Variants in RB1CC1 observed in about 807,000 individuals in gnomAD.
RB1CC1 encodes RB1-inducible coiled-coil protein 1.
A neutral mutation model predicts 177.5 loss-of-function variants in RB1CC1; 46 were observed. The ratio of observed to expected loss-of-function variants is 0.26; its 90% CI spans 0.20 to 0.33. The LOEUF is 0.33. Ranked by LOEUF, RB1CC1 falls within the 10% of genes least tolerant of loss-of-function variation. RB1CC1 has a pLI of 1.00. For missense variants in RB1CC1, 1,703 were observed against 1,816.3 expected (o/e 0.94, Z 1.13); for synonymous variants, 666 against 613.6 (o/e 1.09, Z -1.26).
chr8:52,627,502 G>C (rs1023487125), intron 22 of RB1CC1, among the ~76,000 whole-genome samples: 2 of 151,942 alleles, frequency 1.3e-5, no homozygotes, highest in African/African-American at 4.8e-5. Context: ...TATCTATTCT[G>C]TTCTTTTTTA....
intron 22 of RB1CC1, among the ~76,000 whole-genome samples, chr8:52,626,663 A>T (rs1284663044): frequency 6.6e-6 from 1 of 152,246 alleles, no homozygotes; most frequent in Non-Finnish European, 1.5e-5. Flanking sequence ...CATAAAAGAC[A>T]AAAGAAATAT....
At position 52,623,702 on chromosome 8, in the gene RB1CC1, G is replaced by T; in HGVS notation, c.*80C>A. 1.0e-6 allele frequency: 1 copy of T among 993,732 alleles called. No homozygotes were observed. The highest frequency in any genetic ancestry group is 1.6e-6 in the Non-Finnish European group (1 of 625,198). The allele number at this position is 993,732 out of a possible 1,614,324, so 61.6% of individuals were successfully genotyped here. On this transcript the variant is annotated 3_prime_UTR_variant, in exon 24 of 24. Transcript: ENST00000025008. ...TGACTTTTGCATAAAAAGATGGCCT[G>T]CTGTTTTTGGAGTGATGAATGAGCA...
At chr8:52,677,644 G>A (rs955711576) in intron 5 of RB1CC1, among the ~76,000 whole-genome samples, 1 of 152,088 alleles carries the variant, frequency 6.6e-6, no homozygotes, top group Non-Finnish European at 1.5e-5. Flanking sequence ...AGTTGTCCAG[G>A]CAAACTGTAA....
intron 1 of RB1CC1, among the ~76,000 whole-genome samples, chr8:52,702,276 T>C (rs368940604): frequency 5.9e-5 from 9 of 152,230 alleles, no homozygotes; most frequent in East Asian, 3.8e-4. Flanking sequence ...TTCATGCTAA[T>C]GTTTTAAGTT....
rs932237209 is a variant in RB1CC1, at chr8:52,628,834, A to T, written c.4500-666T>A. Among the ~76,000 whole-genome samples, 3 of 152,232 alleles carry T rather than the reference A, an allele frequency of 2.0e-5. No individual in the cohort carries two copies. In the East Asian group the frequency reaches 5.8e-4, roughly 29 times the overall value. ...AATCTCATATTTTTCAGTTGTCAAGATCATTTAAATTGGTAGATCCTATAC... is the reference window on the plus strand; with the variant it reads ...AATCTCATATTTTTCAGTTGTCAAGTTCATTTAAATTGGTAGATCCTATAC... On this transcript the variant is annotated intron_variant, in intron 21 of 23. Transcript: ENST00000025008.
chr8:52,646,556 C>T (rs547874906), intron 15 of RB1CC1, among the ~76,000 whole-genome samples: 6 of 152,190 alleles, frequency 3.9e-5, no homozygotes, highest in Non-Finnish European at 7.3e-5. Context: ...TGTTGAAATG[C>T]TTTAATTTCC....
chr8:52,708,189 C>T (rs1297914706), intron 1 of RB1CC1, among the ~76,000 whole-genome samples: 1 of 152,218 alleles, frequency 6.6e-6, no homozygotes, highest in Non-Finnish European at 1.5e-5. Flanking sequence ...AAAATACCCC[C>T]ATCTTTGCTG....
At chr8:52,635,185 C>A (rs925498768) in intron 19 of RB1CC1, among the ~76,000 whole-genome samples, 4 of 152,132 alleles carry the variant, frequency 2.6e-5, no homozygotes, top group Admixed American at 2.6e-4. Flanking sequence ...CAAGGACTGT[C>A]AAACATTAAT....
intron 15 of RB1CC1, among the ~76,000 whole-genome samples, chr8:52,650,760 A>C (rs553702202): frequency 2.0e-5 from 3 of 152,198 alleles, no homozygotes; most frequent in Non-Finnish European, 4.4e-5. Context: ...AGTACATGGC[A>C]TAACAGTACA....
chr8:52,642,869 T>C, intron 16 of RB1CC1, 57 bp from the exon 17 acceptor site: 3 of 1,403,976 alleles, frequency 2.1e-6, no homozygotes, highest in Non-Finnish European at 2.8e-6. Flanking sequence ...AGCTAGGACT[T>C]AGAAAATACA....
Position 52,661,160 on chromosome 8 carries a change from G to C in RB1CC1, c.1480C>G (p.Gln494Glu), listed in dbSNP as rs1191961389. ...KIVEALSTVP[Q>E]MYCLAVVEVV... The stretch of plus-strand genomic sequence containing the variant: ...TCAACAACAGCTAAGCAGTACATCT[G>C]AGGAACTGTACTAAGAGCTTCAACA... The change falls in exon 10 of 24, where the codon CAG (glutamine) becomes GAG (glutamate). Residue 494 changes from glutamine to glutamate, a missense_variant. Gln to Glu is a conservative substitution (Grantham distance 29, BLOSUM62 2). Around this residue, in one of 6 missense-constraint regions of RB1CC1, gnomAD observed 1,169 missense variants for 1,184.7 expected, o/e 0.99. Coordinates refer to ENST00000025008, the MANE Select transcript of RB1CC1 (RefSeq NM_014781.5). 1 of 1,613,860 alleles carries C rather than the reference G, an allele frequency of 6.2e-7. No homozygotes were observed. Among genetic ancestry groups the C allele is most frequent in the Non-Finnish European group, 8.5e-7 (1 of 1,179,866 alleles).
rs1851618881 is a variant in RB1CC1, at chr8:52,661,439, A to G, written c.1358+96T>C. On this transcript the variant is annotated intron_variant, in intron 9 of 23. Coordinates refer to ENST00000025008, the MANE Select transcript of RB1CC1 (RefSeq NM_014781.5). ...CAAAGTTCATCAATAAGGTATTTCA[A>G]TAAAATGGTAGGGAAAAATCACTCC... The G allele has an allele frequency of 2.7e-6, 4 of 1,458,838 alleles. No individual in the cohort carries two copies. In the African/African-American group the frequency reaches 5.7e-5, roughly 21 times the overall value. 90.4% of individuals were successfully genotyped at this position (1,458,838 alleles called of 1,614,324 possible).
chr8:52,707,933 T>A (rs916508925), intron 1 of RB1CC1, among the ~76,000 whole-genome samples: 1 of 152,194 alleles, frequency 6.6e-6, no homozygotes, highest in African/African-American at 2.4e-5. Flanking sequence ...CACATATCAG[T>A]TGACAATCTA....
chr8:52,658,579 G>GAA (rs67680393), intron 13 of RB1CC1, among the ~76,000 whole-genome samples: 1,046 of 98,754 alleles, frequency 0.011, 25 homozygotes, highest in Non-Finnish European at 0.016. Flanking sequence ...TCCGTCTCAA[G>GAA]AAAAAAAAAA....
chr8:52,697,384 A>C (rs1041277913), intron 1 of RB1CC1, among the ~76,000 whole-genome samples: 2 of 152,114 alleles, frequency 1.3e-5, no homozygotes, highest in Admixed American at 1.3e-4. Context: ...ATTTGTTCAG[A>C]TCCTGGATCC....
chr8:52,642,625 T>C (rs1467268895), intron 17 of RB1CC1, 34 bp from the exon 18 acceptor site: 2 of 1,601,068 alleles, frequency 1.2e-6, no homozygotes. Flanking sequence ...AAGTATCATG[T>C]AATTAAAAAA....
At chr8:52,708,241 G>GCA (rs1302301724) in intron 1 of RB1CC1, among the ~76,000 whole-genome samples, 10 of 152,186 alleles carry the variant, frequency 6.6e-5, no homozygotes, top group Non-Finnish European at 1.2e-4. Flanking sequence ...GTATTGCCGG[G>GCA]CACACTGGCT....
At chr8:52,711,126 G>A (rs961729555) in intron 1 of RB1CC1, among the ~76,000 whole-genome samples, 3 of 152,040 alleles carry the variant, frequency 2.0e-5, no homozygotes, top group East Asian at 1.9e-4. Flanking sequence ...AAAAATGGGC[G>A]AGGATTGTTA....
intron 8 of RB1CC1, among the ~76,000 whole-genome samples, chr8:52,666,839 AAAAG>A (rs1351255675): frequency 6.6e-6 from 1 of 152,212 alleles, no homozygotes; most frequent in African/African-American, 2.4e-5. Context: ...CAGATAGATA[AAAAG>A]AAAGAAAATA....
Sources: allele counts gnomAD v4.1 joint callset (sites outside exome capture counted in the v4.1 genomes callset), GRCh38; gene constraint gnomAD v4.1.1; regional missense constraint gnomAD v4.1.1; transcripts MANE v1.5; gene names NCBI Gene and HGNC (gene_info 2026-07-23, HGNC 2026-07-21).